AK3: variants seen among roughly 807,000 people sequenced by gnomAD.
AK3 encodes adenylate kinase 3, also known as GTP:AMP phosphotransferase AK3, mitochondrial.
Under a neutral mutation model 23.7 loss-of-function variants are expected in AK3, and 27 were observed. The observed-to-expected ratio is 1.14, with a 90% CI of 0.84 to 1.57. AK3 has a LOEUF of 1.57. Among genes scored for constraint, AK3 ranks in the 40% most tolerant of loss-of-function variants. AK3 has a pLI of 0.00. For synonymous variants in AK3, 159 were observed against 116.0 expected (o/e 1.37, Z -2.38); for missense variants, 406 against 285.6 (o/e 1.42, Z -3.04).
chr9:4,711,859 A>G lies in AK3; in HGVS notation c.*1117T>C, dbSNP rs1841570575. The G allele has an allele frequency of 6.6e-6, 1 of 152,214 alleles. No homozygotes were observed. The highest frequency in any genetic ancestry group is 1.5e-5 in the Non-Finnish European group (1 of 68,028). The allele number at this position is 152,214 out of a possible 1,614,324, so 9.4% of individuals were successfully genotyped here. A position where few individuals can be genotyped will look rare whatever the true frequency, so the allele number is the denominator to read the frequency against. ...GGTATCAATTTCTTTGATCAGGAAC[A>G]AAGAACTCCTTCAGGAAACTCACTT... On this transcript the variant is annotated 3_prime_UTR_variant, in exon 5 of 5. Coordinates refer to ENST00000381809, the MANE Select transcript of AK3 (RefSeq NM_016282.4).
chr9:4,738,260 G>T (rs1049567727), intron 1 of AK3, among the ~76,000 whole-genome samples: 1 of 152,158 alleles, frequency 6.6e-6, no homozygotes, highest in Non-Finnish European at 1.5e-5. Context: ...CCGCCTCCCA[G>T]TTTCAAGTGA....
At position 4,713,033 on chromosome 9, in the gene AK3, A is replaced by G. The variant is rs201868095; in HGVS notation, c.627T>C (p.Tyr209=). 5.9e-5 allele frequency: 96 copies of G among 1,613,746 alleles called. No individual in the cohort carries two copies. The highest frequency in any genetic ancestry group is 7.8e-5 in the Non-Finnish European group (92 of 1,179,830). The stretch of plus-strand genomic sequence containing the variant: ...GTGGAACTTTAGTTTGTAGGAAAGC[A>G]TATACATAGGGCCAAATCTTGTTGG... ...TETNKIWPYV[Y]AFLQTKVPQR... The change falls in exon 5 of 5, where the codon TAT becomes TAC. Residue 209 remains tyrosine (Y), a synonymous_variant. Coordinates refer to ENST00000381809, the MANE Select transcript of AK3 (RefSeq NM_016282.4).
chr9:4,719,204 A>T lies in AK3; in HGVS notation c.375T>A (p.Leu125=), dbSNP rs1217644953. 6.2e-7 allele frequency: 1 copy of T among 1,611,850 alleles called. No individual in the cohort carries two copies. Among genetic ancestry groups the T allele is most frequent in the Non-Finnish European group, 8.5e-7 (1 of 1,179,842 alleles). ...NVPFEVIKQR[L]TARWIHPASG... The stretch of plus-strand genomic sequence containing the variant: ...TGGCGGGATGAATCCAGCGAGCAGT[A>T]AGGCGTTGTTTAATGACCTCAAAGG... Residue 125 remains leucine, a synonymous_variant, in exon 3 of 5, where the codon CTT becomes CTA. Transcript: ENST00000381809.
intron 2 of AK3, among the ~76,000 whole-genome samples, chr9:4,719,571 A>C (rs1841837682): frequency 6.6e-6 from 1 of 152,156 alleles, no homozygotes; most frequent in African/African-American, 2.4e-5. Flanking sequence ...TTATGAAATT[A>C]TCATGTAAAT....
In AK3 at chr9:4,718,444, T is replaced by C; in HGVS notation, c.538A>G (p.Thr180Ala). ...TGGTAATATTCCAGGACTGGCTTTG[T>C]TTGGTCTTCATAAGCCTTTAGTCTC... The part of the protein sequence containing the change: ...IKRLKAYEDQ[T>A]KPVLEYYQKK... Residue 180 changes from threonine (T) to alanine (A), a missense_variant, in exon 4 of 5, where the codon ACA (threonine) becomes GCA (alanine). Physicochemically the swap from Thr to Ala is moderately conservative, Grantham distance 58. Coordinates refer to ENST00000381809, the MANE Select transcript of AK3 (RefSeq NM_016282.4). 6.2e-7 allele frequency: 1 copy of C among 1,612,826 alleles called. No individual in the cohort carries two copies. Among genetic ancestry groups the C allele is most frequent in the Non-Finnish European group, 8.5e-7 (1 of 1,179,742 alleles).
At chr9:4,726,435 C>G (rs1228103828) in intron 1 of AK3, among the ~76,000 whole-genome samples, 1 of 152,166 alleles carries the variant, frequency 6.6e-6, no homozygotes, top group Non-Finnish European at 1.5e-5. Context: ...TCCCTCGTTG[C>G]CAGTTGAATA....
Position 4,733,880 on chromosome 9 carries a change from C to T in AK3, c.151+7057G>A, listed in dbSNP as rs181220727. Among the ~76,000 whole-genome samples the T allele has an allele frequency of 4.9e-4, 75 of 152,286 alleles. 1 individual carries two copies. Among genetic ancestry groups the T allele is most frequent in the East Asian group, 1.5e-3 (8 of 5,186 alleles). Reference sequence around the variant, plus strand: ...TTGATTTTTCAACACACACCCTAAACGGCCCTTCATGGTCAAGTGTCCCTC... The same window carrying T: ...TTGATTTTTCAACACACACCCTAAATGGCCCTTCATGGTCAAGTGTCCCTC... On this transcript the variant is annotated intron_variant, in intron 1 of 4. Coordinates refer to ENST00000381809, the MANE Select transcript of AK3 (RefSeq NM_016282.4).
chr9:4,711,438 T>C lies in AK3; in HGVS notation c.*1538A>G, dbSNP rs1248896672. 1.3e-5 allele frequency: 2 copies of C among 152,640 alleles called. No individual in the cohort carries two copies. The highest frequency in any genetic ancestry group is 4.8e-5 in the African/African-American group (2 of 41,440). The allele number at this position is 152,640 out of a possible 1,614,324, so 9.5% of individuals were successfully genotyped here. On this transcript the variant is annotated 3_prime_UTR_variant, in exon 5 of 5. Transcript: ENST00000381809. ...TTTATAAAGAATGAAGTGTTTCCTATATTTCTTTTAAAAAACCTTGGTTCA... is the reference window on the plus strand; with the variant it reads ...TTTATAAAGAATGAAGTGTTTCCTACATTTCTTTTAAAAAACCTTGGTTCA...
rs775316557 is a variant in AK3 at position 4,728,986 on chromosome 9, T to TACACAC, written c.152-6367_152-6362dup. On this transcript the variant is annotated intron_variant, in intron 1 of 4. Transcript: ENST00000381809. Reference sequence around the variant, plus strand: ...ATACATATATATACCTACATATATATACACACACACACATATATATATATA... The same window carrying TACACAC: ...ATACATATATATACCTACATATATATACACACACACACACACACATATATATATATA... Among the ~76,000 whole-genome samples the TACACAC allele has an allele frequency of 8.9e-3, 746 of 84,084 alleles. 11 individuals carry two copies. Among genetic ancestry groups the TACACAC allele is most frequent in the East Asian group, 0.051 (164 of 3,196 alleles). The allele number at this position is 84,084 out of a possible 152,430, so 55.2% of individuals were successfully genotyped here.
At chr9:4,713,372 G>A (rs1841614304) in intron 4 of AK3, among the ~76,000 whole-genome samples, 1 of 152,162 alleles carries the variant, frequency 6.6e-6, no homozygotes, top group Admixed American at 6.5e-5. Context: ...GTCAAAGGCT[G>A]TGCTACATGC....
chr9:4,713,177 A>C (rs1841609663), intron 4 of AK3, 81 bp from the exon 5 acceptor site: 5 of 1,540,956 alleles, frequency 3.2e-6, no homozygotes, highest in Non-Finnish European at 4.4e-6. Flanking sequence ...TTCTGTAAAT[A>C]ATGATATTGT....
Position 4,722,581 on chromosome 9 carries a change from T to G in AK3, c.196A>C (p.Ile66Leu), listed in dbSNP as rs1219975374. 1.9e-6 allele frequency: 3 copies of G among 1,614,080 alleles called. No homozygotes were observed. The African/African-American group carries it at 4.0e-5, about 22-fold the overall frequency. Residue 66 changes from isoleucine to leucine, a missense_variant, in exon 2 of 5, where the codon ATC (isoleucine) becomes CTC (leucine). By Grantham distance (5) the Ile-to-Leu change is conservative. Transcript: ENST00000381809. The part of the protein sequence containing the change: ...AKAFIDQGKL[I>L]PDDVMTRLAL... ...AGCCGAGTCATGACATCATCTGGGA[T>G]GAGTTTCCCTTGGTCAATGAAAGCC...
chr9:4,735,825 T>C (rs1842278562), intron 1 of AK3, among the ~76,000 whole-genome samples: 1 of 151,622 alleles, frequency 6.6e-6, no homozygotes, highest in African/African-American at 2.4e-5. Flanking sequence ...TAATTTAAAA[T>C]TGATGAAGGC....
At chr9:4,735,254 T>TATAC (rs369403381) in intron 1 of AK3, among the ~76,000 whole-genome samples, 1,104 of 7,472 alleles carry the variant, frequency 0.15, 242 homozygotes, top group Middle Eastern at 0.5. Context: ...TAAATATATA[T>TATAC]ATATATAAAT....
chr9:4,738,242 T>G (rs996115231), intron 1 of AK3, among the ~76,000 whole-genome samples: 2 of 152,226 alleles, frequency 1.3e-5, no homozygotes, highest in African/African-American at 4.8e-5. Context: ...CTCGGCTCGC[T>G]GCAACCTCCG....
intron 1 of AK3, among the ~76,000 whole-genome samples, chr9:4,735,116 G>C (rs145599625): frequency 0.015 from 2,185 of 150,184 alleles, 63 homozygotes; most frequent in African/African-American, 0.051. Flanking sequence ...TTAAAAGGTT[G>C]GGCACTGTGG....
chr9:4,724,716 C>G (rs1037877456), intron 1 of AK3, among the ~76,000 whole-genome samples: 10 of 151,430 alleles, frequency 6.6e-5, no homozygotes, highest in Non-Finnish European at 1.5e-4. Flanking sequence ...GAGGTCAAGG[C>G]TACAGTGAGC....
intron 4 of AK3, among the ~76,000 whole-genome samples, chr9:4,716,798 G>C (rs941860241): frequency 4.6e-5 from 7 of 152,114 alleles, no homozygotes; most frequent in Non-Finnish European, 1.0e-4. Context: ...AGGTCTGGTG[G>C]CACGGGCCTA....
chr9:4,729,858 T>G (rs545205836), intron 1 of AK3, among the ~76,000 whole-genome samples: 13 of 150,864 alleles, frequency 8.6e-5, no homozygotes, highest in Admixed American at 2.6e-4. Flanking sequence ...AAGAAATATG[T>G]CTACACAAAA....
Sources: gnomAD v4.1 joint callset for allele counts (sites outside exome capture counted in the v4.1 genomes callset) on GRCh38, gnomAD v4.1.1 for gene constraint, MANE v1.5 for transcripts, NCBI Gene and HGNC (gene_info 2026-07-23, HGNC 2026-07-21) for gene names.